The following GALNT9 variants were observed in gnomAD, a reference collection of about 807,000 sequenced individuals.
GALNT9 encodes the protein GalNAc transferase 9.
Under a neutral mutation model 63.1 loss-of-function variants are expected in GALNT9, and 47 were observed. The ratio of observed to expected loss-of-function variants is 0.75; its 90% CI spans 0.59 to 0.95. The LOEUF (loss-of-function observed/expected upper bound fraction) is 0.95, where lower values mean the gene tolerates loss of function less well. GALNT9 is among the 40% of genes least tolerant of loss of function. GALNT9 has a pLI of 0.00. For missense variants in GALNT9, 829 were observed against 874.8 expected (o/e 0.95, Z 0.66); for synonymous variants, 396 against 365.7 (o/e 1.08, Z -0.94).
Position 132,283,666 on chromosome 12 carries a change from G to C in GALNT9, c.419+2584C>G, listed in dbSNP as rs1219046855. On this transcript the variant is annotated intron_variant, in intron 2 of 10. Coordinates refer to ENST00000328957, the MANE Select transcript of GALNT9 (RefSeq NM_001122636.2). The stretch of plus-strand genomic sequence containing the variant: ...ACGAGACCAGCCCAGTGAGGACCAT[G>C]GTCACCGAGGCTCGGGGGCTCCTGG... 2.6e-5 allele frequency: 4 copies of C among 152,282 alleles called. No homozygotes were observed. In the East Asian group the frequency reaches 5.8e-4, roughly 22 times the overall value. 9.4% of individuals were successfully genotyped at this position (152,282 alleles called of 1,614,324 possible).
chr12:132,257,785 G>C lies in GALNT9; in HGVS notation c.863C>G (p.Ala288Gly). The change falls in exon 5 of 11, where the codon GCG becomes GGG. Residue 288 changes from alanine (A) to glycine (G), a missense_variant. Physicochemically the swap from Ala to Gly is moderately conservative, Grantham distance 60 (BLOSUM62 0). Transcript: ENST00000328957. ...KYSTFEVQQYANAAHGYNWGL... is the reference protein window; with the variant it reads ...KYSTFEVQQYGNAAHGYNWGL... ...CCAGTTGTAGCCATGGGCGGCGTTC[G>C]CATACTGCTGCACCTCAAACGTGCT... The C allele has an allele frequency of 6.4e-7, 1 of 1,550,402 alleles. No homozygotes were observed. The highest frequency in any genetic ancestry group is 8.7e-7 in the Non-Finnish European group (1 of 1,146,844).
chr12:132,296,053 T>G lies in GALNT9; in HGVS notation c.239-9623A>C, dbSNP rs61945660. Reference sequence around the variant, plus strand: ...GAGCCTCCAGAACAGGGAGAGCCTCTGAACAGGGAGAGGCTCCGGAACAGG... The same window carrying G: ...GAGCCTCCAGAACAGGGAGAGCCTCGGAACAGGGAGAGGCTCCGGAACAGG... On this transcript the variant is annotated intron_variant, in intron 1 of 10. Coordinates refer to ENST00000328957, the MANE Select transcript of GALNT9 (RefSeq NM_001122636.2). This position sits in a 1 kb window ranked among gnomAD's most constrained non-coding sequence, Gnocchi z 4.2. Among the ~76,000 whole-genome samples the G allele has an allele frequency of 1.1e-4, 15 of 133,078 alleles. No homozygotes were observed. The highest frequency in any genetic ancestry group is 1.9e-4 in the Non-Finnish European group (12 of 63,302). The allele number at this position is 133,078 out of a possible 152,430, so 87.3% of individuals were successfully genotyped here.
chr12:132,218,324 G>A (rs7398305), intron 6 of GALNT9, among the ~76,000 whole-genome samples: 35,014 of 152,024 alleles, frequency 0.23, 4,129 homozygotes, highest in Middle Eastern at 0.4. Context: ...TGACGCGGAC[G>A]GAAACCCAGG....
chr12:132,266,153 C>T (rs1181175882), intron 2 of GALNT9, among the ~76,000 whole-genome samples: 3 of 149,834 alleles, frequency 2.0e-5, no homozygotes, highest in Non-Finnish European at 4.4e-5. Flanking sequence ...CCTTTACACG[C>T]CTGACCTCGC....
At chr12:132,292,779 AG>A (rs1427091670) in intron 1 of GALNT9, among the ~76,000 whole-genome samples, 4 of 152,062 alleles carry the variant, frequency 2.6e-5, no homozygotes, top group African/African-American at 9.7e-5. Context: ...GAAGGGAAGG[AG>A]GGTGGGGAGA....
At chr12:132,278,643 G>C (rs1354880034) in intron 2 of GALNT9, 1 of 152,250 alleles carries the variant, frequency 6.6e-6, no homozygotes, top group African/African-American at 2.4e-5. Context: ...GGAATCGGGA[G>C]GGCTCACTTA....
At chr12:132,323,662 C>T (rs78024103) in intron 1 of GALNT9, among the ~76,000 whole-genome samples, 3,146 of 152,346 alleles carry the variant, frequency 0.021, 60 homozygotes, top group East Asian at 0.079. Context: ...CCCCAGCGGA[C>T]GTCAGAAAAC....
At position 132,315,809 on chromosome 12, in the gene GALNT9, G is replaced by A. The variant is rs1340595094; in HGVS notation, c.238+13157C>T. Among the ~76,000 whole-genome samples the A allele has an allele frequency of 1.3e-5, 2 of 152,302 alleles. No individual in the cohort carries two copies. The highest frequency in any genetic ancestry group is 4.8e-5 in the African/African-American group (2 of 41,564). On this transcript the variant is annotated intron_variant, in intron 1 of 10. Transcript: ENST00000328957. The surrounding 1 kb of genome is among the most constrained non-coding windows in gnomAD (Gnocchi z 6.1). ...GCCACCCACTCATACTCCCCACCGC[G>A]TCACACAGGGTGTGAGTGACACGGC...
chr12:132,239,651 GTC>G (rs2136897307), intron 6 of GALNT9, among the ~76,000 whole-genome samples: 10 of 123,254 alleles, frequency 8.1e-5, no homozygotes, highest in African/African-American at 1.7e-4. Context: ...CAGAGACAGA[GTC>G]AGAGACAGAG....
At position 132,203,081 on chromosome 12, in the gene GALNT9, C is replaced by T. The variant is rs138837804; in HGVS notation, c.1263+424G>A. On this transcript the variant is annotated intron_variant, in intron 7 of 10. Transcript: ENST00000328957. Reference sequence around the variant, plus strand: ...ACGGGAAGCCACACAGCGTATGAGCCGTTCATGAAACCGCCAGACAGTTGA... The same window carrying T: ...ACGGGAAGCCACACAGCGTATGAGCTGTTCATGAAACCGCCAGACAGTTGA... Among the ~76,000 whole-genome samples, 156 of 152,230 alleles carry T rather than the reference C, an allele frequency of 1.0e-3. 7 individuals carry two copies. The East Asian group carries it at 0.025, about 24-fold the overall frequency.
intron 6 of GALNT9, among the ~76,000 whole-genome samples, chr12:132,217,182 G>A (rs762942354): frequency 8.4e-4 from 125 of 148,858 alleles, no homozygotes; most frequent in Non-Finnish European, 1.3e-3. Flanking sequence ...ACCCATCCAC[G>A]CGGACTCATC....
intron 6 of GALNT9, among the ~76,000 whole-genome samples, chr12:132,233,363 G>C (rs1296086687): frequency 5.4e-4 from 12 of 22,070 alleles, no homozygotes; most frequent in Admixed American, 5.0e-3. Flanking sequence ...GGAGCCCCTA[G>C]TGCCACACAC....
chr12:132,260,931 C>T lies in GALNT9; in HGVS notation c.761+17G>A. ...GGACCCGCTGAGACTGGCTGTCCAG[C>T]CTGTTCCGGCCCTTACCAGCCCGTG... On this transcript the variant is annotated intron_variant, in intron 4 of 10. Transcript: ENST00000328957. 2 of 1,517,496 alleles carry T rather than the reference C, an allele frequency of 1.3e-6. No individual in the cohort carries two copies. The highest frequency in any genetic ancestry group is 1.8e-6 in the Non-Finnish European group (2 of 1,133,078). The allele number at this position is 1,517,496 out of a possible 1,614,324, so 94.0% of individuals were successfully genotyped here.
At chr12:132,198,446 G>GGGGCTGGGGCTGGGGCTA (rs1169124122) in intron 9 of GALNT9, among the ~76,000 whole-genome samples, 2 of 151,962 alleles carry the variant, frequency 1.3e-5, no homozygotes, top group Non-Finnish European at 2.9e-5. Context: ...GGCTGGGGCT[G>GGGGCTGGGGCTGGGGCTA]GGCCTGGGCC....
intron 6 of GALNT9, among the ~76,000 whole-genome samples, chr12:132,235,668 G>T (rs1291102603): frequency 6.6e-6 from 1 of 151,864 alleles, no homozygotes; most frequent in Non-Finnish European, 1.5e-5. Flanking sequence ...AGCCCCTCGG[G>T]ACAGGGCAGG....
intron 6 of GALNT9, among the ~76,000 whole-genome samples, chr12:132,224,863 T>C (rs1348227484): frequency 8.4e-6 from 1 of 119,036 alleles, no homozygotes; most frequent in African/African-American, 3.3e-5. Context: ...CACACTGTAA[T>C]GTACACACCC....
intron 2 of GALNT9, among the ~76,000 whole-genome samples, chr12:132,268,601 G>A (rs1593095180): frequency 6.6e-6 from 1 of 152,366 alleles, no homozygotes; most frequent in South Asian, 2.1e-4. Context: ...CTCAGGTGTA[G>A]AAAGCCAAGC....
chr12:132,199,980 C>A (rs1875886005), intron 8 of GALNT9, among the ~76,000 whole-genome samples: 1 of 152,226 alleles, frequency 6.6e-6, no homozygotes, highest in Non-Finnish European at 1.5e-5. Flanking sequence ...TGAGGAAGCC[C>A]AGCAGAGTCT....
intron 7 of GALNT9, among the ~76,000 whole-genome samples, chr12:132,202,124 C>A (rs557210436): frequency 6.6e-6 from 1 of 152,222 alleles, no homozygotes; most frequent in East Asian, 1.9e-4. Flanking sequence ...GGGACGATCA[C>A]GCCAGAAACT....
Sources: allele counts gnomAD v4.1 joint callset (sites outside exome capture counted in the v4.1 genomes callset), GRCh38; gene constraint gnomAD v4.1.1; non-coding constraint Gnocchi (gnomAD v3.1); transcripts MANE v1.5; gene names NCBI Gene and HGNC (gene_info 2026-07-23, HGNC 2026-07-21).